The following FAF1 variants were observed in gnomAD, a reference collection of about 807,000 sequenced individuals.
FAF1 encodes FAS-associated factor 1.
Under a neutral mutation model 92.5 loss-of-function variants are expected in FAF1, and 25 were observed. The ratio of observed to expected loss-of-function variants is 0.27; its 90% confidence interval spans 0.20 to 0.38. FAF1 has a LOEUF of 0.38. Among genes scored for constraint, FAF1 ranks in the 10% least tolerant of loss-of-function variants. The pLI, the probability that FAF1 is intolerant of heterozygous loss-of-function variation, is 1.00. For missense variants in FAF1, 636 were observed against 793.3 expected, an observed-to-expected ratio of 0.80 and a Z score of 2.38; for synonymous variants, 234 against 273.2, an observed-to-expected ratio of 0.86 and a Z score of 1.42.
chr1:50,932,569 C>T (rs1465751633), intron 1 of FAF1, among the ~76,000 whole-genome samples: 1 of 152,240 alleles, frequency 6.6e-6, no homozygotes, highest in Non-Finnish European at 1.5e-5. Context: ...TTGCAGGGTA[C>T]AGCCTCCCTT....
At chr1:50,753,308 G>C (rs1659941907) in intron 4 of FAF1, among the ~76,000 whole-genome samples, 1 of 152,174 alleles carries the variant, frequency 6.6e-6, no homozygotes, top group African/African-American at 2.4e-5. Flanking sequence ...AATGAACTGA[G>C]ATTTTTCCAT....
intron 8 of FAF1, among the ~76,000 whole-genome samples, chr1:50,612,095 C>G (rs114236327): frequency 0.013 from 1,983 of 152,206 alleles, 43 homozygotes; most frequent in African/African-American, 0.044. Context: ...ATTTAAAAAC[C>G]ATCATACACA....
intron 4 of FAF1, among the ~76,000 whole-genome samples, chr1:50,760,593 T>C (rs148698031): frequency 0.066 from 10,070 of 152,150 alleles, 415 homozygotes; most frequent in East Asian, 0.094. Context: ...GACTACTGGG[T>C]ACCTAACGAA....
rs973021683 is a variant in FAF1 at position 50,554,936 on chromosome 1, T to C, written c.1268+12141A>G. Among the ~76,000 whole-genome samples, 12 of 152,142 alleles carry C rather than the reference T, an allele frequency of 7.9e-5. 1 individual carries two copies. The highest frequency in any genetic ancestry group is 2.4e-4 in the African/African-American group (10 of 41,402). ...TACTTCTCAATTGCTCTACATTCTA[T>C]GATGATTGACATCTGTCTGTCTGCA... On this transcript the variant is annotated intron_variant, in intron 13 of 18. Coordinates refer to ENST00000396153, the MANE Select transcript of FAF1 (RefSeq NM_007051.3).
intron 7 of FAF1, among the ~76,000 whole-genome samples, chr1:50,691,737 T>C (rs189122954): frequency 2.5e-4 from 38 of 152,302 alleles, no homozygotes; most frequent in African/African-American, 8.2e-4. Context: ...ATTATAGGCA[T>C]GCACCACCAC....
At chr1:50,585,628 C>G (rs1651189646) in intron 9 of FAF1, among the ~76,000 whole-genome samples, 1 of 152,046 alleles carries the variant, frequency 6.6e-6, no homozygotes, top group Non-Finnish European at 1.5e-5. Flanking sequence ...ACGGTCCAAG[C>G]AAGATATCTG....
rs574952213 is a variant in FAF1, at chr1:50,747,785, T to A, written c.368-3010A>T. 8.5e-5 allele frequency among the ~76,000 whole-genome samples: 13 copies of A among 152,278 alleles called. No individual in the cohort carries two copies. The South Asian group carries it at 2.7e-3, about 32-fold the overall frequency. ...TGGGGTCTGGTAGGAGGTGACTGAA[T>A]CATGTGTGACAGATTTCCCCCTCTG... is the stretch of plus-strand genomic sequence containing the variant. On this transcript the variant is annotated intron_variant, in intron 4 of 18. Transcript: ENST00000396153.
chr1:50,513,941 C>A lies in FAF1; in HGVS notation c.1494+21428G>T, dbSNP rs117776559. On this transcript the variant is annotated intron_variant, in intron 15 of 18. Transcript: ENST00000396153. ...CAACCTACTTGCTTATTGTATTTCT[C>A]CATCTCTACATTTTCTTCCTTCCAA... is the stretch of plus-strand genomic sequence containing the variant. Among the ~76,000 whole-genome samples the A allele has an allele frequency of 2.6e-3, 393 of 152,282 alleles. 11 individuals carry two copies. In the East Asian group the frequency reaches 0.039, roughly 15 times the overall value.
At position 50,765,159 on chromosome 1, in the gene FAF1, A is replaced by G. The variant is rs1316408143; in HGVS notation, c.368-20384T>C. ...AAAAAGGTCTAACTCAAACCTAAGT[A>G]AGCAATAATTCCAAGTGGATATTTG... On this transcript the variant is annotated intron_variant, in intron 4 of 18. Transcript: ENST00000396153. Among the ~76,000 whole-genome samples, 2 of 152,242 alleles carry G rather than the reference A, an allele frequency of 1.3e-5. 1 individual carries two copies. The highest frequency in any genetic ancestry group is 3.8e-4 in the East Asian group (2 of 5,204).
rs1228330478 is a variant in FAF1 at position 50,677,817 on chromosome 1, C to G, written c.658-22289G>C. On this transcript the variant is annotated intron_variant, in intron 7 of 18. Transcript: ENST00000396153. ...GGCTGAGGCAGGAGAATCGCTTGAACCCAGGAGGCGGAGGTTGTGGTGAGC... is the reference window on the plus strand; with the variant it reads ...GGCTGAGGCAGGAGAATCGCTTGAAGCCAGGAGGCGGAGGTTGTGGTGAGC... 2.0e-5 allele frequency among the ~76,000 whole-genome samples: 3 copies of G among 150,592 alleles called. No homozygotes were observed. The East Asian group carries it at 5.9e-4, about 29-fold the overall frequency.
chr1:50,627,591 G>C (rs886465760), intron 8 of FAF1, among the ~76,000 whole-genome samples: 24 of 151,452 alleles, frequency 1.6e-4, no homozygotes, highest in Non-Finnish European at 2.9e-5. Context: ...GAAGAAAGGA[G>C]GGAGTGAAAG....
chr1:50,691,878 GATGTT>G (rs1322548190), intron 7 of FAF1, among the ~76,000 whole-genome samples: 2 of 152,186 alleles, frequency 1.3e-5, no homozygotes, highest in African/African-American at 4.8e-5. Flanking sequence ...GGTACAAAGT[GATGTT>G]TTGATATATG....
intron 1 of FAF1, among the ~76,000 whole-genome samples, chr1:50,944,396 T>G (rs1426555162): frequency 6.6e-6 from 1 of 152,216 alleles, no homozygotes; most frequent in Non-Finnish European, 1.5e-5. Flanking sequence ...CTTTACCTTC[T>G]CTAAACCTCC....
At chr1:50,651,465 A>C (rs763362572) in intron 8 of FAF1, among the ~76,000 whole-genome samples, 6 of 152,178 alleles carry the variant, frequency 3.9e-5, no homozygotes, top group Non-Finnish European at 7.4e-5. Flanking sequence ...AATTCACAGA[A>C]TCCAATGATA....
chr1:50,510,916 T>C (rs546740633), intron 15 of FAF1, among the ~76,000 whole-genome samples: 1 of 152,324 alleles, frequency 6.6e-6, no homozygotes, highest in East Asian at 1.9e-4. Context: ...GTCAAGTACA[T>C]AGGTGTTTAC....
chr1:50,463,257 C>T (rs1034975207), intron 18 of FAF1, among the ~76,000 whole-genome samples: 9 of 152,174 alleles, frequency 5.9e-5, no homozygotes, highest in Non-Finnish European at 1.3e-4. Context: ...TAATTAAACA[C>T]GTCCTGTATG....
At chr1:50,502,403 G>A (rs779665118) in intron 15 of FAF1, among the ~76,000 whole-genome samples, 6 of 152,146 alleles carry the variant, frequency 3.9e-5, no homozygotes, top group Admixed American at 3.9e-4. Context: ...AGCTTAGCCC[G>A]CTTGATTTTA....
At chr1:50,886,216 C>T (rs542656964) in intron 1 of FAF1, among the ~76,000 whole-genome samples, 22 of 152,240 alleles carry the variant, frequency 1.4e-4, no homozygotes, top group African/African-American at 5.3e-4. Context: ...TCATTATCAT[C>T]CTTTTCTTTC....
intron 4 of FAF1, among the ~76,000 whole-genome samples, chr1:50,764,872 C>G (rs1412014864): frequency 6.6e-6 from 1 of 152,154 alleles, no homozygotes; most frequent in Non-Finnish European, 1.5e-5. Context: ...GAGCTTATTC[C>G]TCCATATTTT....
Sources: allele counts gnomAD v4.1 joint callset (sites outside exome capture counted in the v4.1 genomes callset), GRCh38; gene constraint gnomAD v4.1.1; transcripts MANE v1.5; gene names NCBI Gene and HGNC (gene_info 2026-07-23, HGNC 2026-07-21).